Variants in SEMA3E observed in about 807,000 individuals in gnomAD.
SEMA3E encodes the protein semaphorin 3E.
In SEMA3E, 49 loss-of-function variants were observed where a neutral mutation model predicts 93.6. The observed-to-expected ratio is 0.52, with a 90% confidence interval of 0.42 to 0.66. The LOEUF is 0.66. SEMA3E is among the 30% of genes least tolerant of loss of function. The pLI is 0.00. For synonymous variants in SEMA3E, 363 were observed against 330.7 expected (o/e 1.10, Z -1.06); for missense variants, 906 against 964.8 (o/e 0.94, Z 0.81).
At chr7:83,522,094 T>C (rs553532488) in intron 1 of SEMA3E, among the ~76,000 whole-genome samples, 15 of 152,170 alleles carry the variant, frequency 9.9e-5, no homozygotes, top group African/African-American at 1.4e-4. Flanking sequence ...GTCCTATAGA[T>C]GTATCATAAA....
At chr7:83,462,825 T>C (rs190593398) in intron 4 of SEMA3E, among the ~76,000 whole-genome samples, 14 of 138,842 alleles carry the variant, frequency 1.0e-4, no homozygotes, top group Admixed American at 2.2e-4. Flanking sequence ...CAAATTGTTT[T>C]GCCTGTCCAC....
At chr7:83,406,185 A>C in intron 7 of SEMA3E, 126 bp from the exon 8 acceptor site, 1 of 739,598 alleles carries the variant, frequency 1.4e-6, no homozygotes, top group Non-Finnish European at 2.4e-6. Flanking sequence ...AATTTGGCAT[A>C]ATTCTCAAGT....
chr7:83,508,933 T>A (rs991654474), intron 1 of SEMA3E, among the ~76,000 whole-genome samples: 3 of 152,136 alleles, frequency 2.0e-5, no homozygotes, highest in African/African-American at 7.2e-5. Context: ...ATTCGTTAAG[T>A]ACATTATAAA....
intron 16 of SEMA3E, among the ~76,000 whole-genome samples, chr7:83,381,012 A>C (rs1787765857): frequency 6.6e-6 from 1 of 152,002 alleles, no homozygotes; most frequent in African/African-American, 2.4e-5. Flanking sequence ...GTTTTTAAGC[A>C]TGAAGATTTA....
chr7:83,598,802 A>T (rs537575593), intron 1 of SEMA3E, among the ~76,000 whole-genome samples: 17 of 152,342 alleles, frequency 1.1e-4, no homozygotes, highest in African/African-American at 3.8e-4. Context: ...TGTCTTTGTC[A>T]TCACTTATCT....
At chr7:83,368,860 G>A (rs1794713827) in intron 16 of SEMA3E, among the ~76,000 whole-genome samples, 1 of 152,194 alleles carries the variant, frequency 6.6e-6, no homozygotes, top group Non-Finnish European at 1.5e-5. Flanking sequence ...GTAAGTAAAT[G>A]ATTTGACATT....
intron 1 of SEMA3E, among the ~76,000 whole-genome samples, chr7:83,548,981 C>G (rs761057125): frequency 5.3e-5 from 8 of 152,068 alleles, no homozygotes; most frequent in Non-Finnish European, 1.0e-4. Flanking sequence ...CAGCCTATCA[C>G]AACATATGCT....
intron 4 of SEMA3E, chr7:83,424,982 A>G (rs1788740825): frequency 4.1e-6 from 1 of 244,816 alleles, no homozygotes; most frequent in East Asian, 1.0e-4. Flanking sequence ...TCTACATGAC[A>G]AGTATAGTGG....
At chr7:83,525,613 C>A (rs1005021797) in intron 1 of SEMA3E, among the ~76,000 whole-genome samples, 6 of 151,662 alleles carry the variant, frequency 4.0e-5, no homozygotes, top group Non-Finnish European at 4.4e-5. Context: ...GATTTTTATT[C>A]TTCTTCGCAT....
At chr7:83,636,227 G>A (rs1244681156) in intron 1 of SEMA3E, among the ~76,000 whole-genome samples, 1 of 152,048 alleles carries the variant, frequency 6.6e-6, no homozygotes, top group Admixed American at 6.6e-5. Context: ...AAGCAGTCCT[G>A]GATTTCTCTT....
intron 1 of SEMA3E, among the ~76,000 whole-genome samples, chr7:83,548,930 A>G (rs1018414447): frequency 6.6e-6 from 1 of 152,132 alleles, no homozygotes; most frequent in Non-Finnish European, 1.5e-5. Context: ...TTTAGGATTT[A>G]GAGAACAAAA....
chr7:83,374,183 G>A (rs1280911036), intron 16 of SEMA3E, among the ~76,000 whole-genome samples: 1 of 132,796 alleles, frequency 7.5e-6, no homozygotes, highest in Non-Finnish European at 1.6e-5. Context: ...TCCAGCCTGG[G>A]TTACAAGACC....
chr7:83,625,193 G>C (rs576544907), intron 1 of SEMA3E, among the ~76,000 whole-genome samples: 1 of 152,152 alleles, frequency 6.6e-6, no homozygotes, highest in Admixed American at 6.5e-5. Flanking sequence ...GCTTAGGATT[G>C]TCTTGGCTAT....
chr7:83,417,137 A>G (rs1442408106), intron 5 of SEMA3E, among the ~76,000 whole-genome samples: 46 of 151,910 alleles, frequency 3.0e-4, no homozygotes, highest in Admixed American at 3.0e-3. Flanking sequence ...TGAAGAACTT[A>G]ATTACTATAT....
At chr7:83,477,245 T>G (rs1221759920) in intron 2 of SEMA3E, among the ~76,000 whole-genome samples, 12 of 152,136 alleles carry the variant, frequency 7.9e-5, no homozygotes, top group Middle Eastern at 3.2e-3. Context: ...TTTAAGTGAC[T>G]AAGCCTCTAT....
At chr7:83,454,257 CAAA>C (rs1157801830) in intron 4 of SEMA3E, among the ~76,000 whole-genome samples, 9 of 44,956 alleles carry the variant, frequency 2.0e-4, no homozygotes, top group South Asian at 1.1e-3. Flanking sequence ...GACTCCGACT[CAAA>C]AAAAAAAAAA....
At chr7:83,438,232 C>T (rs1789042953) in intron 4 of SEMA3E, among the ~76,000 whole-genome samples, 1 of 151,958 alleles carries the variant, frequency 6.6e-6, no homozygotes, top group African/African-American at 2.4e-5. Flanking sequence ...TCACATATGG[C>T]TAGTCAATCC....
intron 1 of SEMA3E, among the ~76,000 whole-genome samples, chr7:83,537,304 T>G (rs554466650): frequency 6.6e-6 from 1 of 152,226 alleles, no homozygotes; most frequent in Non-Finnish European, 1.5e-5. Context: ...AACAATTTTT[T>G]AATATTTGTT....
At chr7:83,479,947 G>C (rs974631328) in intron 2 of SEMA3E, among the ~76,000 whole-genome samples, 1 of 151,902 alleles carries the variant, frequency 6.6e-6, no homozygotes. Flanking sequence ...GCTTCTTTTT[G>C]GTAAATATAA....
Sources: allele counts gnomAD v4.1 joint callset (sites outside exome capture counted in the v4.1 genomes callset), GRCh38; gene constraint gnomAD v4.1.1; transcripts MANE v1.5; gene names NCBI Gene and HGNC (gene_info 2026-07-23, HGNC 2026-07-21).